Variants in RABGEF1 observed in about 807,000 individuals in gnomAD.
The protein encoded by RABGEF1 is rab5 GDP/GTP exchange factor.
Under a neutral mutation model 57.3 loss-of-function variants are expected in RABGEF1, and 26 were observed. That is an observed-to-expected ratio of 0.45 (90% CI 0.33 to 0.63). The LOEUF (loss-of-function observed/expected upper bound fraction) is 0.63, where lower values mean the gene tolerates loss of function less well. RABGEF1 is among the 20% of genes least tolerant of loss of function. RABGEF1 has a pLI of 0.02. For synonymous variants in RABGEF1, 185 were observed against 210.7 expected (o/e 0.88, Z 1.06); for missense variants, 464 against 607.6 (o/e 0.76, Z 2.48).
chr7:66,793,381 T>C (rs1416701749), intron 4 of RABGEF1, among the ~76,000 whole-genome samples: 1 of 152,200 alleles, frequency 6.6e-6, no homozygotes, highest in Non-Finnish European at 1.5e-5. Context: ...TTTGGCTGCT[T>C]TTTGACTCTA....
chr7:66,796,954 G>T, intron 5 of RABGEF1: 1 of 425,774 alleles, frequency 2.3e-6, no homozygotes, highest in South Asian at 1.7e-5. Flanking sequence ...TTCTGAGTGT[G>T]TTTAATTTAT....
At chr7:66,778,198 T>C (rs1454959255) in intron 3 of RABGEF1, among the ~76,000 whole-genome samples, 1 of 152,226 alleles carries the variant, frequency 6.6e-6, no homozygotes, top group Non-Finnish European at 1.5e-5. Flanking sequence ...TCTTCCTTAG[T>C]CCATGATACC....
chr7:66,763,071 C>T (rs139880524), intron 1 of RABGEF1, among the ~76,000 whole-genome samples: 9 of 152,288 alleles, frequency 5.9e-5, no homozygotes, highest in East Asian at 1.9e-4. Context: ...AGTCATAGCT[C>T]GCTGCAGCCT....
At chr7:66,800,660 T>G (rs1163786720) in intron 7 of RABGEF1, among the ~76,000 whole-genome samples, 1 of 152,234 alleles carries the variant, frequency 6.6e-6, no homozygotes, top group Non-Finnish European at 1.5e-5. Context: ...GACCTGGGAC[T>G]TGTGTTTTTC....
intron 5 of RABGEF1, among the ~76,000 whole-genome samples, chr7:66,796,029 C>A (rs1301423925): frequency 6.6e-6 from 1 of 152,074 alleles, no homozygotes; most frequent in Non-Finnish European, 1.5e-5. Context: ...CCCAGCTACT[C>A]GGGAGGCCGA....
chr7:66,787,188 A>T, intron 4 of RABGEF1, among the ~76,000 whole-genome samples: 1 of 149,680 alleles, frequency 6.7e-6, no homozygotes, highest in African/African-American at 2.5e-5. Context: ...CACCATGCCC[A>T]GATAATTTTT....
intron 2 of RABGEF1, 49 bp from the exon 3 acceptor site, chr7:66,775,178 G>T: frequency 6.4e-7 from 1 of 1,553,416 alleles, no homozygotes. Flanking sequence ...CACATACAGA[G>T]AAACCTTGGA....
At chr7:66,705,596 T>A (rs895096155) in intron 1 of RABGEF1, among the ~76,000 whole-genome samples, 2 of 152,138 alleles carry the variant, frequency 1.3e-5, no homozygotes, top group Admixed American at 1.3e-4. Flanking sequence ...CTTGCTATAA[T>A]TGCTTCAATT....
chr7:66,732,120 G>A (rs1488354752), intron 2 of RABGEF1, among the ~76,000 whole-genome samples: 2 of 152,210 alleles, frequency 1.3e-5, no homozygotes, highest in African/African-American at 2.4e-5. Context: ...TAGCTAGAAC[G>A]CCCGGCTCAC....
At chr7:66,762,308 A>T (rs1308086429) in intron 1 of RABGEF1, among the ~76,000 whole-genome samples, 1 of 152,130 alleles carries the variant, frequency 6.6e-6, no homozygotes, top group Non-Finnish European at 1.5e-5. Flanking sequence ...TAGGACATGG[A>T]GGCTGGGTGC....
chr7:66,677,533 C>A (rs1262000833), upstream of RABGEF1, among the ~76,000 whole-genome samples: 1 of 151,852 alleles, frequency 6.6e-6, no homozygotes, highest in Admixed American at 6.6e-5. Flanking sequence ...GAGGCCGAGG[C>A]GGGCGGATCA....
At chr7:66,749,397 C>T (rs1800915094) in intron 1 of RABGEF1, among the ~76,000 whole-genome samples, 1 of 152,142 alleles carries the variant, frequency 6.6e-6, no homozygotes, top group Admixed American at 6.5e-5. Context: ...ATTGTATATC[C>T]ATAAAGCTTT....
In RABGEF1 at chr7:66,801,024, C is replaced by T. The variant is rs570615680; in HGVS notation, c.820+1610C>T. ...GTTCTGGGCTGACAAGTAACAAATA[C>T]GAGGTCTGTTGAAGAGAACTGCATA... On this transcript the variant is annotated intron_variant, in intron 7 of 8. Coordinates refer to ENST00000284957, the MANE Select transcript of RABGEF1 (RefSeq NM_014504.3). Among the ~76,000 whole-genome samples, 10 of 152,310 alleles carry T rather than the reference C, an allele frequency of 6.6e-5. No homozygotes were observed. The East Asian group carries it at 7.7e-4, about 12-fold the overall frequency.
chr7:66,751,828 T>C (rs1801496166), intron 1 of RABGEF1, among the ~76,000 whole-genome samples: 1 of 152,200 alleles, frequency 6.6e-6, no homozygotes, highest in African/African-American at 2.4e-5. Flanking sequence ...AGAATTTGGA[T>C]TGTGTCTTCA....
chr7:66,657,928 C>T, the RABGEF1 span, among the ~76,000 whole-genome samples: 1 of 152,052 alleles, frequency 6.6e-6, no homozygotes, highest in Non-Finnish European at 1.5e-5. Flanking sequence ...CCCAACCTAG[C>T]AGAATACCAG....
Position 66,811,295 on chromosome 7 carries a change from TA to T in RABGEF1, c.*2012del, listed in dbSNP as rs1259112021. The T allele has an allele frequency of 6.6e-6, 1 of 152,186 alleles. No homozygotes were observed. The highest frequency in any genetic ancestry group is 1.5e-5 in the Non-Finnish European group (1 of 68,040). The allele number at this position is 152,186 out of a possible 1,614,324, so 9.4% of individuals were successfully genotyped here. ...ATTCTTCTGGTATGGACTCTTGCCT[TA>T]TATAGAGGCTTCTATTTCTCTTAAG... On this transcript the variant is annotated 3_prime_UTR_variant, in exon 9 of 9. Coordinates refer to ENST00000284957, the MANE Select transcript of RABGEF1 (RefSeq NM_014504.3).
At position 66,735,078 on chromosome 7, in the gene RABGEF1, T is replaced by C. The variant is rs985760086; in HGVS notation, c.-814-4918T>C. On this transcript the variant is annotated intron_variant and NMD_transcript_variant, in intron 2 of 9. Coordinates refer to the RABGEF1 transcript ENST00000607882. ...TTATTTCCTACTAGCTAGTCTAGAATTGTATTACTTATTTATGTAAGTTTT... is the reference window on the plus strand; with the variant it reads ...TTATTTCCTACTAGCTAGTCTAGAACTGTATTACTTATTTATGTAAGTTTT... 5.3e-5 allele frequency among the ~76,000 whole-genome samples: 8 copies of C among 152,362 alleles called. No individual in the cohort carries two copies. The East Asian group carries it at 1.3e-3, about 26-fold the overall frequency.
chr7:66,800,769 A>G (rs560401038), intron 7 of RABGEF1, among the ~76,000 whole-genome samples: 1 of 152,204 alleles, frequency 6.6e-6, no homozygotes, highest in Non-Finnish European at 1.5e-5. Context: ...CCTGTTGCTA[A>G]TAGGGAAGTC....
At chr7:66,699,035 C>T (rs1792795222) in intron 1 of RABGEF1, among the ~76,000 whole-genome samples, 2 of 152,186 alleles carry the variant, frequency 1.3e-5, no homozygotes, top group African/African-American at 4.8e-5. Flanking sequence ...TCTGGGAAGT[C>T]ACTGAGACAG....
Sources: gnomAD v4.1 joint callset for allele counts (sites outside exome capture counted in the v4.1 genomes callset) on GRCh38, gnomAD v4.1.1 for gene constraint, MANE v1.5 for transcripts, NCBI Gene and HGNC (gene_info 2026-07-23, HGNC 2026-07-21) for gene names.